Variants in SLC10A7 observed in about 807,000 individuals in gnomAD.
The protein encoded by SLC10A7 is solute carrier family 10 member 7.
Under a neutral mutation model 43.2 loss-of-function variants are expected in SLC10A7, and 29 were observed. The ratio of observed to expected loss-of-function variants is 0.67; its 90% CI spans 0.50 to 0.92. The LOEUF is 0.92. Among genes scored for constraint, SLC10A7 ranks in the 40% least tolerant of loss-of-function variants. The pLI, the probability that SLC10A7 is intolerant of heterozygous loss-of-function variation, is 0.00. For synonymous variants in SLC10A7, 152 were observed against 144.8 expected (o/e 1.05, Z -0.35); for missense variants, 295 against 403.2 (o/e 0.73, Z 2.30).
At chr4:146,381,778 C>G (rs1193706323) in intron 5 of SLC10A7, among the ~76,000 whole-genome samples, 1 of 152,070 alleles carries the variant, frequency 6.6e-6, no homozygotes, top group Non-Finnish European at 1.5e-5. Flanking sequence ...CTTGGAAGGC[C>G]CTTTCCAGAA....
intron 6 of SLC10A7, 55 bp from the exon 7 acceptor site, chr4:146,306,064 A>G: frequency 1.4e-6 from 2 of 1,405,178 alleles, no homozygotes; most frequent in Non-Finnish European, 1.9e-6. Context: ...ATCAAGCATT[A>G]GTGTTTATAA....
intron 2 of SLC10A7, among the ~76,000 whole-genome samples, chr4:146,512,105 C>T (rs1183960459): frequency 6.7e-6 from 1 of 150,028 alleles, no homozygotes; most frequent in Non-Finnish European, 1.5e-5. Context: ...TCCCAAGTAG[C>T]GGGGATTACA....
intron 5 of SLC10A7, among the ~76,000 whole-genome samples, chr4:146,364,329 T>C (rs112225236): frequency 3.9e-5 from 6 of 152,124 alleles, no homozygotes; most frequent in African/African-American, 1.4e-4. Context: ...ACACAAAGAA[T>C]GAGATCAAAG....
intron 10 of SLC10A7, among the ~76,000 whole-genome samples, chr4:146,265,323 C>T (rs1289603714): frequency 6.6e-6 from 1 of 152,194 alleles, no homozygotes; most frequent in Admixed American, 6.5e-5. Context: ...TGCATTAAAC[C>T]AAAGTTTCAC....
intron 5 of SLC10A7, among the ~76,000 whole-genome samples, chr4:146,434,250 G>A (rs1363648679): frequency 6.6e-6 from 1 of 152,116 alleles, no homozygotes; most frequent in Non-Finnish European, 1.5e-5. Flanking sequence ...GTTATAGCTA[G>A]GTGATTCTAT....
intron 5 of SLC10A7, among the ~76,000 whole-genome samples, chr4:146,434,084 A>G (rs539839683): frequency 1.3e-5 from 2 of 152,278 alleles, no homozygotes; most frequent in East Asian, 3.9e-4. Context: ...ACATTATATA[A>G]AACAAAATCA....
intron 5 of SLC10A7, among the ~76,000 whole-genome samples, chr4:146,367,593 T>C (rs755009401): frequency 4.6e-5 from 7 of 152,182 alleles, no homozygotes; most frequent in African/African-American, 7.2e-5. Flanking sequence ...ATGTTTTCCA[T>C]GTAGTGAAAT....
intron 9 of SLC10A7, among the ~76,000 whole-genome samples, chr4:146,290,696 C>T (rs781376902): frequency 9.2e-5 from 14 of 151,948 alleles, no homozygotes; most frequent in Non-Finnish European, 1.6e-4. Context: ...CTTGTCGCTA[C>T]AAAAAATTAC....
intron 5 of SLC10A7, among the ~76,000 whole-genome samples, chr4:146,393,847 C>T (rs900007814): frequency 6.6e-6 from 1 of 152,152 alleles, no homozygotes; most frequent in African/African-American, 2.4e-5. Context: ...AATATACAGG[C>T]ACCTACCAAT....
At chr4:146,454,840 G>A (rs1731916454) in intron 4 of SLC10A7, among the ~76,000 whole-genome samples, 1 of 151,630 alleles carries the variant, frequency 6.6e-6, no homozygotes, top group South Asian at 2.1e-4. Flanking sequence ...AACAAACCAT[G>A]GGTATAACCC....
intron 5 of SLC10A7, among the ~76,000 whole-genome samples, chr4:146,432,588 T>C (rs1729857042): frequency 6.6e-6 from 1 of 152,048 alleles, no homozygotes; most frequent in South Asian, 2.1e-4. Context: ...TGCCAGAGAC[T>C]GAGGATAAGG....
At chr4:146,421,673 T>G (rs1021228850) in intron 5 of SLC10A7, among the ~76,000 whole-genome samples, 1 of 152,206 alleles carries the variant, frequency 6.6e-6, no homozygotes, top group African/African-American at 2.4e-5. Flanking sequence ...TTCATTTATT[T>G]TTTATGTGTT....
At chr4:146,342,763 T>C (rs1444930432) in intron 5 of SLC10A7, among the ~76,000 whole-genome samples, 6 of 151,834 alleles carry the variant, frequency 4.0e-5, no homozygotes, top group Non-Finnish European at 7.4e-5. Context: ...AAAAATATTA[T>C]GCAAAATAAA....
intron 4 of SLC10A7, among the ~76,000 whole-genome samples, chr4:146,454,070 T>C (rs1731829520): frequency 6.6e-6 from 1 of 151,944 alleles, no homozygotes; most frequent in African/African-American, 2.4e-5. Flanking sequence ...CTTAAAAGAA[T>C]TGTTTCAACA....
At chr4:146,514,938 G>C (rs1737809435) in intron 2 of SLC10A7, 1 of 552,084 alleles carries the variant, frequency 1.8e-6, no homozygotes, top group South Asian at 2.5e-5. Context: ...TTTGATGGAA[G>C]AAATGGCTTT....
chr4:146,438,728 C>G lies in SLC10A7; in HGVS notation c.435+4055G>C, dbSNP rs939309116. 9.9e-5 allele frequency among the ~76,000 whole-genome samples: 15 copies of G among 152,022 alleles called. No individual in the cohort carries two copies. The East Asian group carries it at 2.9e-3, about 29-fold the overall frequency. ...GAAACACTGAATTCAGCCTCCAAAT[C>G]AAAAATGCTAAGTTCTAACAAATCA... On this transcript the variant is annotated intron_variant, in intron 5 of 11. Transcript: ENST00000335472.
chr4:146,475,493 T>A (rs1733940246), intron 4 of SLC10A7, among the ~76,000 whole-genome samples: 1 of 152,310 alleles, frequency 6.6e-6, no homozygotes, highest in East Asian at 1.9e-4. Context: ...TCATTTTTGT[T>A]CCCCAAACAT....
chr4:146,455,920 G>A (rs771080383), intron 4 of SLC10A7, among the ~76,000 whole-genome samples: 29 of 151,830 alleles, frequency 1.9e-4, no homozygotes, highest in Admixed American at 6.6e-4. Flanking sequence ...TTTAAAAGCT[G>A]TGTTTTTGCC....
intron 6 of SLC10A7, among the ~76,000 whole-genome samples, chr4:146,316,716 A>G (rs943806729): frequency 1.3e-5 from 2 of 152,068 alleles, no homozygotes; most frequent in Non-Finnish European, 2.9e-5. Context: ...ATTGGACTCA[A>G]TTACACACAA....
Sources: gnomAD v4.1 joint callset for allele counts (sites outside exome capture counted in the v4.1 genomes callset) on GRCh38, gnomAD v4.1.1 for gene constraint, MANE v1.5 for transcripts, NCBI Gene and HGNC (gene_info 2026-07-23, HGNC 2026-07-21) for gene names.